SAMSN1: variants seen among roughly 807,000 people sequenced by gnomAD.
SAMSN1 encodes the protein SAM domain, SH3 domain and nuclear localization signals 1, also known as SAM domain-containing protein SAMSN-1.
In SAMSN1, 31 loss-of-function variants were observed where a neutral mutation model predicts 42.0. The observed-to-expected ratio is 0.74, with a 90% CI of 0.55 to 1.00. The LOEUF is 1.00. Ranked by LOEUF, SAMSN1 falls within the 50% of genes least tolerant of loss-of-function variation. The probability of loss-of-function intolerance (pLI) is 0.00; values close to 1 mark genes in which losing one functional copy is unlikely to be tolerated. For missense variants in SAMSN1, 464 were observed against 439.4 expected, an observed-to-expected ratio of 1.06 and a Z score of -0.50; for synonymous variants, 178 against 151.9, an observed-to-expected ratio of 1.17 and a Z score of -1.26.
At chr21:14,496,074 T>C (rs1216088694) in intron 7 of SAMSN1, 1 of 152,186 alleles carries the variant, frequency 6.6e-6, no homozygotes, top group Non-Finnish European at 1.5e-5. Flanking sequence ...GGATACTGTT[T>C]ATTGCTGAAA....
intron 1 of SAMSN1, among the ~76,000 whole-genome samples, chr21:14,651,638 C>G (rs1254613342): frequency 6.6e-6 from 1 of 151,794 alleles, no homozygotes; most frequent in Non-Finnish European, 1.5e-5. Context: ...TAACCTGGCT[C>G]ACCAGTGTTA....
At chr21:14,648,435 A>C (rs1344295153) in intron 1 of SAMSN1, among the ~76,000 whole-genome samples, 2 of 152,214 alleles carry the variant, frequency 1.3e-5, no homozygotes, top group Admixed American at 6.5e-5. Context: ...TAATTAAACT[A>C]AAGAGCTTCT....
In SAMSN1 at chr21:14,564,510, T is replaced by C. The variant is rs139315779; in HGVS notation, c.261+17626A>G. ...CACCTAAAGACAAAAAGCTAACAAG[T>C]AGTCAAGAGTTAAACCCAGGCCTGT... On this transcript the variant is annotated intron_variant, in intron 2 of 8. Transcript: ENST00000285670. Among the ~76,000 whole-genome samples, 53 of 152,206 alleles carry C rather than the reference T, an allele frequency of 3.5e-4. 2 individuals are homozygous for C. Among genetic ancestry groups the C allele is most frequent in the African/African-American group, 9.9e-4 (41 of 41,544 alleles).
At chr21:14,614,581 G>A (rs758995902) in intron 3 of SAMSN1, among the ~76,000 whole-genome samples, 1 of 152,082 alleles carries the variant, frequency 6.6e-6, no homozygotes, top group Non-Finnish European at 1.5e-5. Flanking sequence ...ACATATTCTT[G>A]ATAGTAATTA....
At chr21:14,580,291 C>A (rs1014864067) in intron 2 of SAMSN1, among the ~76,000 whole-genome samples, 1 of 152,160 alleles carries the variant, frequency 6.6e-6, no homozygotes, top group Non-Finnish European at 1.5e-5. Flanking sequence ...GGGTAGTGCA[C>A]AGATAAGACT....
chr21:14,486,959 A>T (rs1986461298), intron 7 of SAMSN1, among the ~76,000 whole-genome samples: 1 of 152,182 alleles, frequency 6.6e-6, no homozygotes, highest in African/African-American at 2.4e-5. Context: ...ACTCTTCTCG[A>T]TTCCTTTAGC....
chr21:14,513,727 C>A (rs1241299161), intron 3 of SAMSN1, among the ~76,000 whole-genome samples: 1 of 152,026 alleles, frequency 6.6e-6, no homozygotes, highest in Non-Finnish European at 1.5e-5. Flanking sequence ...GAATTATTGA[C>A]CTAAAGGATA....
At chr21:14,635,814 A>G (rs756101581) in intron 2 of SAMSN1, among the ~76,000 whole-genome samples, 10 of 151,244 alleles carry the variant, frequency 6.6e-5, no homozygotes, top group African/African-American at 1.2e-4. Context: ...GCAAACCAAG[A>G]GACAGAATTT....
intron 2 of SAMSN1, among the ~76,000 whole-genome samples, chr21:14,580,808 A>G (rs1229200273): frequency 1.3e-5 from 2 of 152,244 alleles, no homozygotes; most frequent in African/African-American, 2.4e-5. Flanking sequence ...CTGTCTAAGA[A>G]GAGACTGATT....
At chr21:14,514,572 T>C (rs1371786446) in intron 3 of SAMSN1, among the ~76,000 whole-genome samples, 3 of 152,188 alleles carry the variant, frequency 2.0e-5, no homozygotes, top group Non-Finnish European at 4.4e-5. Context: ...AGTTTATATA[T>C]ACGTGGTAAT....
At chr21:14,628,372 C>T (rs776232648) in intron 2 of SAMSN1, among the ~76,000 whole-genome samples, 33 of 151,808 alleles carry the variant, frequency 2.2e-4, no homozygotes, top group Non-Finnish European at 4.3e-4. Flanking sequence ...TATTGAAATA[C>T]CACTGTATAC....
chr21:14,625,260 G>T (rs149256324), intron 2 of SAMSN1, among the ~76,000 whole-genome samples: 1 of 152,024 alleles, frequency 6.6e-6, no homozygotes, highest in Non-Finnish European at 1.5e-5. Flanking sequence ...TCAACATAGC[G>T]TTGGAAGTTC....
chr21:14,612,103 C>A (rs747014879), intron 4 of SAMSN1, among the ~76,000 whole-genome samples: 1 of 152,108 alleles, frequency 6.6e-6, no homozygotes, highest in Non-Finnish European at 1.5e-5. Context: ...TGTGATGGCA[C>A]GCGCCTGTAG....
chr21:14,600,178 C>T (rs1982392577), intron 6 of SAMSN1, among the ~76,000 whole-genome samples: 2 of 152,182 alleles, frequency 1.3e-5, no homozygotes, highest in African/African-American at 4.8e-5. Flanking sequence ...CACTCTTATG[C>T]ACACTGACAA....
At chr21:14,599,999 A>G (rs1982386343) in intron 6 of SAMSN1, among the ~76,000 whole-genome samples, 1 of 152,122 alleles carries the variant, frequency 6.6e-6, no homozygotes, top group Non-Finnish European at 1.5e-5. Flanking sequence ...ACCACTTCCT[A>G]GGCTCCAGTC....
intron 1 of SAMSN1, among the ~76,000 whole-genome samples, chr21:14,655,688 G>A (rs1452644870): frequency 6.6e-6 from 1 of 151,722 alleles, no homozygotes; most frequent in Non-Finnish European, 1.5e-5. Context: ...ATTTCCTCAT[G>A]AAGACTGAAT....
At chr21:14,571,369 G>A (rs1442518606) in intron 2 of SAMSN1, among the ~76,000 whole-genome samples, 2 of 152,148 alleles carry the variant, frequency 1.3e-5, no homozygotes, top group East Asian at 3.8e-4. Context: ...TTCCACTGGG[G>A]TTGGGCTTGA....
intron 2 of SAMSN1, among the ~76,000 whole-genome samples, chr21:14,565,569 C>G (rs1981092168): frequency 1.3e-5 from 2 of 152,118 alleles, no homozygotes; most frequent in South Asian, 4.1e-4. Flanking sequence ...TGGCCTCCAT[C>G]TATATACCAA....
intron 2 of SAMSN1, among the ~76,000 whole-genome samples, chr21:14,631,271 G>A (rs993142939): frequency 6.6e-6 from 1 of 152,114 alleles, no homozygotes; most frequent in East Asian, 1.9e-4. Context: ...CAGACTTCCT[G>A]CTAATAGTAT....
Sources: allele counts gnomAD v4.1 joint callset (sites outside exome capture counted in the v4.1 genomes callset), GRCh38; gene constraint gnomAD v4.1.1; transcripts MANE v1.5; gene names NCBI Gene and HGNC (gene_info 2026-07-23, HGNC 2026-07-21).